NUP62CL: variants seen among roughly 807,000 people sequenced by gnomAD.
The protein encoded by NUP62CL is nucleoporin-62 C-terminal-like protein.
In NUP62CL, 13 loss-of-function variants were observed where a neutral mutation model predicts 15.3. That is an observed-to-expected ratio of 0.85 (90% CI 0.55 to 1.35). The LOEUF (loss-of-function observed/expected upper bound fraction) is 1.35. NUP62CL is among the 40% of genes most tolerant of loss of function. The pLI is 0.00. For synonymous variants in NUP62CL, 54 were observed against 49.2 expected (o/e 1.10, Z -0.41); for missense variants, 123 against 130.6 (o/e 0.94, Z 0.28).
intron 2 of NUP62CL, among the ~76,000 whole-genome samples, chrX:107,189,937 GAAA>G (rs1927196667): frequency 9.7e-6 from 1 of 102,970 alleles, no homozygotes; most frequent in Non-Finnish European, 2.0e-5. Context: ...AAGAAAGAAA[GAAA>G]GAAAGAGAAT....
At chrX:107,146,432 A>G (rs926179588) in intron 8 of NUP62CL, among the ~76,000 whole-genome samples, 1 of 111,908 alleles carries the variant, frequency 8.9e-6, no homozygotes, top group African/African-American at 3.2e-5. Context: ...AGCAACTTAC[A>G]GACTGTATTT....
intron 2 of NUP62CL, among the ~76,000 whole-genome samples, chrX:107,176,263 AGGGT>A (rs923072949): frequency 9.0e-6 from 1 of 111,700 alleles, no homozygotes; most frequent in African/African-American, 3.3e-5. Context: ...ATAACAATTT[AGGGT>A]GTAAGTCGGA....
At chrX:107,199,441 C>T (rs1220889850) in intron 1 of NUP62CL, among the ~76,000 whole-genome samples, 2 of 112,330 alleles carry the variant, frequency 1.8e-5, no homozygotes, top group Admixed American at 1.9e-4. Flanking sequence ...TTCTGTCTCA[C>T]AAAGTATAAA....
chrX:107,203,033 A>G (rs2147820408), intron 1 of NUP62CL, among the ~76,000 whole-genome samples: 1 of 106,978 alleles, frequency 9.3e-6, no homozygotes, highest in East Asian at 2.9e-4. Context: ...GGACACCAGG[A>G]CTGATCACTG....
chrX:107,137,020 C>T (rs1409858558), intron 8 of NUP62CL, among the ~76,000 whole-genome samples: 1 of 111,958 alleles, frequency 8.9e-6, no homozygotes, highest in African/African-American at 3.2e-5. Flanking sequence ...GCCAAGTTTG[C>T]ACCATTGCAC....
chrX:107,133,766 C>T (rs1382143604), intron 8 of NUP62CL, among the ~76,000 whole-genome samples: 1 of 112,009 alleles, frequency 8.9e-6, no homozygotes, highest in Non-Finnish European at 1.9e-5. Flanking sequence ...GGTGAAACCC[C>T]GTCTCTACTA....
intron 2 of NUP62CL, among the ~76,000 whole-genome samples, chrX:107,188,730 C>CA (rs954679072): frequency 1.5e-4 from 17 of 109,900 alleles, no homozygotes; most frequent in African/African-American, 1.7e-4. Context: ...AAGAAATTTA[C>CA]AAAAAAAACT....
chrX:107,191,197 C>T (rs1239813920), intron 2 of NUP62CL, among the ~76,000 whole-genome samples: 2 of 99,871 alleles, frequency 2.0e-5, no homozygotes, highest in Middle Eastern at 4.3e-3. Flanking sequence ...TGGCTCCTGT[C>T]AAATTAAGTT....
chrX:107,152,118 AT>A (rs1246707306), intron 7 of NUP62CL, among the ~76,000 whole-genome samples: 2 of 33,414 alleles, frequency 6.0e-5, no homozygotes, highest in South Asian at 1.6e-3. Flanking sequence ...ATATATTCAG[AT>A]ATATATATAT....
chrX:107,174,126 CCTCT>C (rs1569362406), intron 3 of NUP62CL, among the ~76,000 whole-genome samples: 1 of 83,293 alleles, frequency 1.2e-5, no homozygotes, highest in African/African-American at 4.6e-5. Flanking sequence ...TCTCTCTCCC[CCTCT>C]CTCTCTTTCT....
intron 2 of NUP62CL, among the ~76,000 whole-genome samples, chrX:107,187,601 T>C (rs1158204689): frequency 8.9e-6 from 1 of 112,203 alleles, no homozygotes; most frequent in Non-Finnish European, 1.9e-5. Flanking sequence ...TTTTGCCACG[T>C]TGGCCAGGCT....
chrX:107,154,971 T>C (rs781532257), intron 4 of NUP62CL, among the ~76,000 whole-genome samples: 1 of 112,001 alleles, frequency 8.9e-6, no homozygotes, highest in African/African-American at 3.2e-5. Flanking sequence ...TTAGTCACCA[T>C]TAGGCTTCAC....
chrX:107,196,599 G>T (rs964542687), intron 1 of NUP62CL, among the ~76,000 whole-genome samples: 1 of 111,515 alleles, frequency 9.0e-6, no homozygotes, highest in Non-Finnish European at 1.9e-5. Flanking sequence ...GTGCCACCAC[G>T]CTTGGCTAAT....
chrX:107,198,657 C>A (rs1436699144), intron 1 of NUP62CL, among the ~76,000 whole-genome samples: 2 of 111,139 alleles, frequency 1.8e-5, no homozygotes, highest in Non-Finnish European at 3.8e-5. Flanking sequence ...CACGAACCCA[C>A]CAGGAGGAAT....
intron 2 of NUP62CL, among the ~76,000 whole-genome samples, chrX:107,183,281 C>T (rs1307197906): frequency 9.1e-6 from 1 of 109,348 alleles, no homozygotes; most frequent in Non-Finnish European, 1.9e-5. Context: ...ACAACTAAAA[C>T]CCCAGGACGT....
chrX:107,179,407 C>G (rs1427297952), intron 2 of NUP62CL, among the ~76,000 whole-genome samples: 3 of 111,393 alleles, frequency 2.7e-5, no homozygotes, highest in African/African-American at 9.8e-5. Flanking sequence ...AACCTTTACC[C>G]CTACCCCCAA....
At chrX:107,186,394 T>C (rs1162321071) in intron 2 of NUP62CL, among the ~76,000 whole-genome samples, 5 of 111,845 alleles carry the variant, frequency 4.5e-5, no homozygotes, top group Non-Finnish European at 9.4e-5. Flanking sequence ...CTTACATAAT[T>C]ATCCATTTTT....
chrX:107,193,420 G>C (rs1927291085), intron 1 of NUP62CL, among the ~76,000 whole-genome samples: 1 of 111,647 alleles, frequency 9.0e-6, no homozygotes, highest in African/African-American at 3.3e-5. Flanking sequence ...AAGGCCACAG[G>C]CTCCTGAATC....
chrX:107,167,536 C>T lies in NUP62CL; in HGVS notation c.194+113G>A. The T allele has an allele frequency of 1.2e-5, 6 of 519,202 alleles. No homozygotes were observed. The East Asian group carries it at 2.2e-4, about 19-fold the overall frequency. 42.8% of individuals were successfully genotyped at this position (519,202 alleles called of 1,213,427 possible). ...GAAATCTTTCTCTTGACTGTTCCCT[C>T]AACTCAGTCATTTAGCTAACTTTCA... On this transcript the variant is annotated intron_variant, in intron 4 of 8. Transcript: ENST00000372466.
Sources: gnomAD v4.1 joint callset for allele counts (sites outside exome capture counted in the v4.1 genomes callset) on GRCh38, gnomAD v4.1.1 for gene constraint, MANE v1.5 for transcripts, NCBI Gene and HGNC (gene_info 2026-07-23, HGNC 2026-07-21) for gene names.